Variants in GAB2 observed in about 807,000 individuals in gnomAD.
GAB2 encodes the protein GRB2 associated binding protein 2.
A neutral mutation model predicts 65.5 loss-of-function variants in GAB2; 26 were observed. The ratio of observed to expected loss-of-function variants is 0.40; its 90% confidence interval spans 0.29 to 0.55. The LOEUF (loss-of-function observed/expected upper bound fraction) is 0.55, where lower values mean the gene tolerates loss of function less well. GAB2 is among the 20% of genes least tolerant of loss of function. GAB2 has a pLI of 0.53. For synonymous variants in GAB2, 321 were observed against 329.6 expected (o/e 0.97, Z 0.28); for missense variants, 884 against 875.8 (o/e 1.01, Z -0.12).
intron 1 of GAB2, among the ~76,000 whole-genome samples, chr11:78,300,532 C>CAACAA (rs1866972843): frequency 2.4e-5 from 3 of 126,368 alleles, no homozygotes; most frequent in African/African-American, 7.9e-5. Context: ...AACAAAAAAA[C>CAACAA]AAAAAACTAC....
chr11:78,408,814 G>A (rs767298902), intron 1 of GAB2, among the ~76,000 whole-genome samples: 22 of 152,106 alleles, frequency 1.4e-4, no homozygotes, highest in Non-Finnish European at 3.1e-4. Context: ...TCTTCCTCCT[G>A]CTCCAGCCAT....
intron 1 of GAB2, among the ~76,000 whole-genome samples, chr11:78,307,797 G>A (rs949807932): frequency 6.6e-6 from 1 of 152,194 alleles, no homozygotes; most frequent in Non-Finnish European, 1.5e-5. Flanking sequence ...ATATAACAGT[G>A]TAATGGTTAA....
At chr11:78,365,495 T>TG (rs1247415850) in intron 1 of GAB2, among the ~76,000 whole-genome samples, 1 of 152,230 alleles carries the variant, frequency 6.6e-6, no homozygotes, top group Non-Finnish European at 1.5e-5. Context: ...ATGCAGGGGC[T>TG]GGCCTCCAGT....
chr11:78,225,232 T>A, intron 4 of GAB2, 30 bp from the exon 5 acceptor site: 6 of 1,423,124 alleles, frequency 4.2e-6, no homozygotes, highest in Non-Finnish European at 6.0e-6. Flanking sequence ...TCATAAGTAC[T>A]CATGGTTGAT....
chr11:78,318,038 T>G (rs115782687), intron 1 of GAB2: 3 of 152,030 alleles, frequency 2.0e-5, no homozygotes, highest in Non-Finnish European at 4.4e-5. Context: ...AATATGAATA[T>G]ACAAAAGGAA....
intron 1 of GAB2, among the ~76,000 whole-genome samples, chr11:78,316,294 G>A (rs1171053673): frequency 6.6e-6 from 1 of 152,046 alleles, no homozygotes; most frequent in East Asian, 1.9e-4. Flanking sequence ...AACTGTGTGA[G>A]CCAATTCTTT....
At chr11:78,359,639 T>C (rs1039909178) in intron 1 of GAB2, among the ~76,000 whole-genome samples, 5 of 152,162 alleles carry the variant, frequency 3.3e-5, no homozygotes, top group Admixed American at 2.6e-4. Context: ...AGCACAGATA[T>C]TGATAAATAC....
chr11:78,260,834 ATC>A (rs1182378914), intron 2 of GAB2, among the ~76,000 whole-genome samples: 1 of 152,194 alleles, frequency 6.6e-6, no homozygotes, highest in Non-Finnish European at 1.5e-5. Flanking sequence ...GAATTCATAA[ATC>A]TGTCATGTGA....
intron 1 of GAB2, among the ~76,000 whole-genome samples, chr11:78,386,198 C>G (rs1362859970): frequency 6.6e-6 from 1 of 152,194 alleles, no homozygotes; most frequent in Non-Finnish European, 1.5e-5. Context: ...CAATCAAACC[C>G]AGGACTCAGG....
chr11:78,387,429 T>C (rs1028719783), intron 1 of GAB2, among the ~76,000 whole-genome samples: 3 of 152,216 alleles, frequency 2.0e-5, no homozygotes, highest in Admixed American at 6.5e-5. Context: ...CATCACGTTA[T>C]CAAGTTCTCA....
At chr11:78,326,978 G>A (rs1276912569) in intron 1 of GAB2, among the ~76,000 whole-genome samples, 3 of 152,150 alleles carry the variant, frequency 2.0e-5, no homozygotes, top group African/African-American at 7.2e-5. Flanking sequence ...GAAATTGGAT[G>A]GAGATTTATT....
intron 1 of GAB2, among the ~76,000 whole-genome samples, chr11:78,414,637 C>T (rs1857170996): frequency 6.6e-6 from 1 of 152,162 alleles, no homozygotes; most frequent in South Asian, 2.1e-4. Context: ...GCCGGCCTCC[C>T]ACTGCAGCCA....
chr11:78,385,019 C>A (rs1455773286), intron 1 of GAB2, among the ~76,000 whole-genome samples: 6 of 152,158 alleles, frequency 3.9e-5, no homozygotes, highest in Admixed American at 3.9e-4. Flanking sequence ...TATGAGACTG[C>A]CATCTCTCTA....
intron 1 of GAB2, among the ~76,000 whole-genome samples, chr11:78,411,371 G>C (rs1857127162): frequency 1.3e-5 from 2 of 152,088 alleles, no homozygotes; most frequent in Admixed American, 6.6e-5. Flanking sequence ...AATTTGTATT[G>C]AAAGGTAAAG....
At chr11:78,359,524 G>A (rs1201302399) in intron 1 of GAB2, among the ~76,000 whole-genome samples, 1 of 152,086 alleles carries the variant, frequency 6.6e-6, no homozygotes, top group Non-Finnish European at 1.5e-5. Flanking sequence ...CAAAAAAACA[G>A]AAATTGCCAC....
intron 1 of GAB2, among the ~76,000 whole-genome samples, chr11:78,332,043 C>G (rs1855924185): frequency 6.6e-6 from 1 of 152,174 alleles, no homozygotes; most frequent in Admixed American, 6.5e-5. Flanking sequence ...TAGGAAAAGA[C>G]AAGAAAGGCA....
chr11:78,314,271 T>A (rs554142977), intron 1 of GAB2, among the ~76,000 whole-genome samples: 1 of 152,234 alleles, frequency 6.6e-6, no homozygotes, highest in Admixed American at 6.5e-5. Context: ...GAAAGTGTTA[T>A]AACAGTGACA....
intron 1 of GAB2, among the ~76,000 whole-genome samples, chr11:78,379,776 A>C (rs992756038): frequency 7.2e-5 from 11 of 152,240 alleles, no homozygotes; most frequent in African/African-American, 2.4e-4. Context: ...AAATAAATCA[A>C]GGGCCATTTT....
At position 78,221,700 on chromosome 11, in the gene GAB2, T is replaced by C; in HGVS notation, c.1738A>G (p.Ser580Gly). Residue 580 changes from serine to glycine, a missense_variant, in exon 8 of 10, where the codon AGC (serine) becomes GGC (glycine). Physicochemically the swap from Ser to Gly is moderately conservative, Grantham distance 56. Coordinates refer to ENST00000361507, the MANE Select transcript of GAB2 (RefSeq NM_080491.3). Reference sequence around the variant, plus strand: ...ACCATAGGGACATAGTTCTCTTCGCTGTCTCCTGAGTCTGTGCTGGTGATG... The same window carrying C: ...ACCATAGGGACATAGTTCTCTTCGCCGTCTCCTGAGTCTGTGCTGGTGATG... ...QSITSTDSGDSEENYVPMQNP... is the reference protein window; with the variant it reads ...QSITSTDSGDGEENYVPMQNP... 6.2e-7 allele frequency: 1 copy of C among 1,612,958 alleles called. No homozygotes were observed.
Sources: allele counts gnomAD v4.1 joint callset (sites outside exome capture counted in the v4.1 genomes callset), GRCh38; gene constraint gnomAD v4.1.1; transcripts MANE v1.5; gene names NCBI Gene and HGNC (gene_info 2026-07-23, HGNC 2026-07-21).